The following PDS5B variants were observed in gnomAD, a reference collection of about 807,000 sequenced individuals.
The protein encoded by PDS5B is PDS5 cohesin associated factor B, also known as sister chromatid cohesion protein PDS5 homolog B.
In PDS5B, 51 loss-of-function variants were observed where a neutral mutation model predicts 184.1. The ratio of observed to expected loss-of-function variants is 0.28; its 90% CI spans 0.22 to 0.35. The LOEUF (loss-of-function observed/expected upper bound fraction) is 0.35. PDS5B is among the 10% of genes least tolerant of loss of function. The pLI is 1.00. For synonymous variants in PDS5B, 566 were observed against 569.2 expected (o/e 0.99, Z 0.08); for missense variants, 1,180 against 1,723.3 (o/e 0.68, Z 5.58).
At chr13:32,591,509 AAAT>A (rs2057775446) in intron 1 of PDS5B, among the ~76,000 whole-genome samples, 1 of 152,218 alleles carries the variant, frequency 6.6e-6, no homozygotes, top group Non-Finnish European at 1.5e-5. Context: ...CATAATTAAG[AAAT>A]AATAAGAATA....
At chr13:32,724,079 A>G (rs953099212) in intron 19 of PDS5B, among the ~76,000 whole-genome samples, 4 of 152,194 alleles carry the variant, frequency 2.6e-5, no homozygotes, top group Admixed American at 2.6e-4. Flanking sequence ...AGTTAACACT[A>G]ATAACTTAAT....
At chr13:32,691,878 C>G (rs1234415663) in intron 13 of PDS5B, among the ~76,000 whole-genome samples, 3 of 152,050 alleles carry the variant, frequency 2.0e-5, no homozygotes, top group African/African-American at 7.2e-5. Flanking sequence ...TTTTCCTAAT[C>G]TTATGAGTAT....
chr13:32,707,092 C>T, intron 18 of PDS5B, 53 bp downstream of exon 18: 2 of 908,226 alleles, frequency 2.2e-6, no homozygotes, highest in South Asian at 1.8e-5. Context: ...TTAACATATA[C>T]AGTTTATATT....
chr13:32,699,500 CT>C (rs1162191916), intron 15 of PDS5B, among the ~76,000 whole-genome samples: 1 of 152,148 alleles, frequency 6.6e-6, no homozygotes, highest in Non-Finnish European at 1.5e-5. Flanking sequence ...CCATTTTAGA[CT>C]TTCCTTGCAT....
At chr13:32,731,309 T>G (rs1295468161) in intron 19 of PDS5B, among the ~76,000 whole-genome samples, 1 of 152,154 alleles carries the variant, frequency 6.6e-6, no homozygotes. Context: ...GTTTAAGAGC[T>G]CCTTTATTCG....
intron 5 of PDS5B, 38 bp downstream of exon 5, chr13:32,658,569 G>T: frequency 9.2e-7 from 1 of 1,090,108 alleles, no homozygotes; most frequent in South Asian, 1.5e-5. Flanking sequence ...ATTAAAAAAA[G>T]GTAACAAATT....
chr13:32,747,673 A>C (rs752457339), intron 24 of PDS5B, among the ~76,000 whole-genome samples: 6 of 149,354 alleles, frequency 4.0e-5, no homozygotes, highest in Admixed American at 6.7e-5. Flanking sequence ...ATCTTAAAAG[A>C]AACTGAAAAT....
At chr13:32,684,908 T>C (rs1180027704) in intron 11 of PDS5B, among the ~76,000 whole-genome samples, 4 of 152,050 alleles carry the variant, frequency 2.6e-5, no homozygotes, top group African/African-American at 7.2e-5. Context: ...GGTCAGGAGA[T>C]CAAGACCATT....
chr13:32,740,584 G>T (rs1953503257), intron 21 of PDS5B, among the ~76,000 whole-genome samples: 1 of 151,914 alleles, frequency 6.6e-6, no homozygotes, highest in African/African-American at 2.4e-5. Flanking sequence ...TAATTTCCTG[G>T]TTACTACTGT....
chr13:32,617,442 A>T (rs1005517682), intron 1 of PDS5B, among the ~76,000 whole-genome samples: 2 of 152,214 alleles, frequency 1.3e-5, no homozygotes, highest in African/African-American at 4.8e-5. Context: ...ATATGTAAAT[A>T]TTGGAAAGGA....
chr13:32,758,177 A>C lies in PDS5B; in HGVS notation c.3147A>C (p.Gln1049His). The C allele has an allele frequency of 6.5e-7, 1 of 1,544,684 alleles. No homozygotes were observed. Among genetic ancestry groups the C allele is most frequent in the Non-Finnish European group, 8.8e-7 (1 of 1,132,142 alleles). ...GAAAGATGGTAGAAAATATTAAACA[A>C]ACAAAAGATGCCCAAGGACCAGATG... Reference protein sequence around the residue: ...FIRKMVENIKQTKDAQGPDDA... With the variant: ...FIRKMVENIKHTKDAQGPDDA... The change falls in exon 27 of 35, where the codon CAA (glutamine) becomes CAC (histidine). Residue 1049 changes from glutamine (Q) to histidine (H), a missense_variant. Physicochemically the swap from Gln to His is conservative, Grantham distance 24. Coordinates refer to ENST00000315596, the MANE Select transcript of PDS5B (RefSeq NM_015032.4).
chr13:32,645,597 C>G (rs554426386), intron 1 of PDS5B, among the ~76,000 whole-genome samples: 17 of 152,006 alleles, frequency 1.1e-4, no homozygotes, highest in Non-Finnish European at 2.1e-4. Flanking sequence ...ATAAGATTGA[C>G]CTGTGATTTT....
intron 6 of PDS5B, 48 bp downstream of exon 6, chr13:32,659,328 A>G (rs750203158): frequency 8.6e-6 from 12 of 1,400,760 alleles, no homozygotes; most frequent in Non-Finnish European, 1.0e-5. Flanking sequence ...GTTAATATTA[A>G]GGCTTAAAAT....
chr13:32,691,840 C>T (rs576050061), intron 13 of PDS5B, among the ~76,000 whole-genome samples: 21 of 152,168 alleles, frequency 1.4e-4, no homozygotes, highest in African/African-American at 5.1e-4. Flanking sequence ...ATTTCTACGT[C>T]CTCCTGTGTA....
At position 32,710,068 on chromosome 13, in the gene PDS5B, A is replaced by G; in HGVS notation, c.2085A>G (p.Thr695=). The change falls in exon 19 of 35, where the codon ACA becomes ACG. Residue 695 remains threonine (T), a synonymous_variant. Transcript: ENST00000315596. The part of the protein sequence containing the change: ...AEAALQIFKN[T]GSKIEEDFPH... ...CTGCACTACAAATTTTCAAAAACAC[A>G]GGAAGCAAAATTGAAGAGGATTTTC... 2 of 1,532,750 alleles carry G rather than the reference A, an allele frequency of 1.3e-6. No individual in the cohort carries two copies. The highest frequency in any genetic ancestry group is 1.8e-6 in the Non-Finnish European group (2 of 1,127,980). 94.9% of individuals were successfully genotyped at this position (1,532,750 alleles called of 1,614,324 possible).
intron 20 of PDS5B, among the ~76,000 whole-genome samples, chr13:32,733,928 C>G (rs955817724): frequency 1.3e-5 from 2 of 151,454 alleles, no homozygotes; most frequent in African/African-American, 4.9e-5. Flanking sequence ...TTTTGTTTCC[C>G]TCTCTCTCCT....
intron 1 of PDS5B, among the ~76,000 whole-genome samples, chr13:32,622,389 T>C (rs1432011864): frequency 6.6e-6 from 1 of 152,148 alleles, no homozygotes; most frequent in African/African-American, 2.4e-5. Context: ...GATTACATTT[T>C]AGTCAGGAAT....
In PDS5B at chr13:32,661,385, C is replaced by CAAAAAAA. The variant is rs747985772; in HGVS notation, c.624+2124_624+2130dup. On this transcript the variant is annotated intron_variant, in intron 6 of 34. Coordinates refer to ENST00000315596, the MANE Select transcript of PDS5B (RefSeq NM_015032.4). Reference sequence around the variant, plus strand: ...TGGGTGACAGAGTGAGACTCTGTCTCAAAAAAAAAAAAAAAAAAAAAAAAA... The same window carrying CAAAAAAA: ...TGGGTGACAGAGTGAGACTCTGTCTCAAAAAAAAAAAAAAAAAAAAAAAAAAAAAAAA... 6.9e-4 allele frequency among the ~76,000 whole-genome samples: 22 copies of CAAAAAAA among 32,012 alleles called. 1 individual carries two copies. Among genetic ancestry groups the CAAAAAAA allele is most frequent in the African/African-American group, 9.5e-4 (9 of 9,460 alleles). 21.0% of individuals were successfully genotyped at this position (32,012 alleles called of 152,430 possible).
At chr13:32,636,352 T>C (rs2058559099) in intron 1 of PDS5B, among the ~76,000 whole-genome samples, 1 of 152,246 alleles carries the variant, frequency 6.6e-6, no homozygotes. Flanking sequence ...TCAGAAATGC[T>C]TACAGAGATA....
Sources: allele counts gnomAD v4.1 joint callset (sites outside exome capture counted in the v4.1 genomes callset), GRCh38; gene constraint gnomAD v4.1.1; transcripts MANE v1.5; gene names NCBI Gene and HGNC (gene_info 2026-07-23, HGNC 2026-07-21).